PIK3R5: variants seen among roughly 807,000 people sequenced by gnomAD.
The protein encoded by PIK3R5 is phosphoinositide 3-kinase regulatory subunit 5.
PIK3R5 carries 32 observed loss-of-function variants against 94.9 expected under a neutral mutation model. That is an observed-to-expected ratio of 0.34 (90% CI 0.25 to 0.45). The LOEUF is 0.45. Ranked by LOEUF, PIK3R5 falls within the 20% of genes least tolerant of loss-of-function variation. PIK3R5 has a pLI of 1.00. For missense variants in PIK3R5, 853 were observed against 1,144.6 expected (o/e 0.75, Z 3.68); for synonymous variants, 443 against 479.4 (o/e 0.92, Z 0.99).
At chr17:8,903,295 A>G (rs1313180475) in intron 5 of PIK3R5, among the ~76,000 whole-genome samples, 4 of 151,740 alleles carry the variant, frequency 2.6e-5, no homozygotes, top group Non-Finnish European at 5.9e-5. Context: ...TCTAGATATT[A>G]CATCTTCTTC....
intron 1 of PIK3R5, among the ~76,000 whole-genome samples, chr17:8,924,575 A>G (rs767870859): frequency 3.3e-5 from 5 of 152,160 alleles, no homozygotes; most frequent in Non-Finnish European, 7.4e-5. Flanking sequence ...CTTCTCTTCC[A>G]GAGTGATAAA....
chr17:8,958,512 C>T (rs929551526), intron 1 of PIK3R5, among the ~76,000 whole-genome samples: 1 of 148,546 alleles, frequency 6.7e-6, no homozygotes, highest in Non-Finnish European at 1.5e-5. Flanking sequence ...TCCATTCATG[C>T]TTTTAAAAAT....
chr17:8,938,408 C>T (rs1383843553), intron 1 of PIK3R5, among the ~76,000 whole-genome samples: 1 of 152,196 alleles, frequency 6.6e-6, no homozygotes, highest in African/African-American at 2.4e-5. Context: ...GTAAACTCAA[C>T]ATTTTAAAGA....
rs913322674 is a variant in PIK3R5 at position 8,943,956 on chromosome 17, G to A, written c.-14+21640C>T. 5.3e-5 allele frequency among the ~76,000 whole-genome samples: 8 copies of A among 151,518 alleles called. No individual in the cohort carries two copies. The East Asian group carries it at 7.8e-4, about 15-fold the overall frequency. On this transcript the variant is annotated intron_variant, in intron 1 of 18. Transcript: ENST00000447110. ...TTTTGTTATGGTAAACTCGTGTCAC[G>A]GGGGTTTATTGGACAGATTACTTCG...
At chr17:8,922,135 A>AGGAGGGAAGGAGGGAAGGTG (rs2090762785) in intron 1 of PIK3R5, among the ~76,000 whole-genome samples, 1 of 138,256 alleles carries the variant, frequency 7.2e-6, no homozygotes, top group Non-Finnish European at 1.6e-5. Context: ...ATAGGAAAGA[A>AGGAGGGAAGGAGGGAAGGTG]GGAGGGAAGG....
At chr17:8,948,840 G>C (rs1042594501) in intron 1 of PIK3R5, among the ~76,000 whole-genome samples, 5 of 152,158 alleles carry the variant, frequency 3.3e-5, no homozygotes, top group Non-Finnish European at 7.3e-5. Context: ...ACATGCAACA[G>C]GAAGTTCAGA....
chr17:8,907,678 C>T (rs535495395), intron 3 of PIK3R5, among the ~76,000 whole-genome samples: 26 of 150,982 alleles, frequency 1.7e-4, no homozygotes, highest in Admixed American at 3.3e-4. Context: ...CTTGCTCTGT[C>T]GCACAGGCTG....
intron 1 of PIK3R5, among the ~76,000 whole-genome samples, chr17:8,954,034 C>T (rs896475171): frequency 1.4e-4 from 21 of 151,664 alleles, no homozygotes; most frequent in African/African-American, 4.1e-4. Context: ...TCTCCCCTTC[C>T]CCCAGAAAGT....
At position 8,909,902 on chromosome 17, in the gene PIK3R5, G is replaced by A. The variant is rs1310364988; in HGVS notation, c.104-728C>T. ...GAAGAATACAGAGAGGAGCCACGGT[G>A]AGTTCCATCCCAAGACGCAAGACTG... On this transcript the variant is annotated intron_variant, in intron 2 of 18. Transcript: ENST00000447110. This position sits in a 1 kb window ranked among gnomAD's most constrained non-coding sequence, Gnocchi z 4.3. Among the ~76,000 whole-genome samples the A allele has an allele frequency of 2.0e-5, 3 of 152,230 alleles. No individual in the cohort carries two copies. The highest frequency in any genetic ancestry group is 7.2e-5 in the African/African-American group (3 of 41,454).
Position 8,889,852 on chromosome 17 carries a change from A to G in PIK3R5, c.811+121T>C. 2.1e-6 allele frequency: 2 copies of G among 972,960 alleles called. No individual in the cohort carries two copies. The highest frequency in any genetic ancestry group is 1.5e-5 in the South Asian group (1 of 67,792). 60.3% of individuals were successfully genotyped at this position (972,960 alleles called of 1,614,324 possible). A position where few individuals can be genotyped will look rare whatever the true frequency, so the allele number is the denominator to read the frequency against. ...ATGGCAGAGCAGTGAGATGCTGAAG[A>G]AGCTGAGTCCCTGAGTGACTGTGTG... On this transcript the variant is annotated intron_variant, in intron 8 of 18. Coordinates refer to ENST00000447110, the MANE Select transcript of PIK3R5 (RefSeq NM_001142633.3). This position sits in a 1 kb window ranked among gnomAD's most constrained non-coding sequence, Gnocchi z 4.1.
Position 8,904,764 on chromosome 17 carries a change from C to T in PIK3R5, c.412+13G>A. The T allele has an allele frequency of 6.2e-7, 1 of 1,613,704 alleles. No homozygotes were observed. Among genetic ancestry groups the T allele is most frequent in the South Asian group, 1.1e-5 (1 of 91,058 alleles). On this transcript the variant is annotated intron_variant, in intron 5 of 18. Transcript: ENST00000447110. This position sits in a 1 kb window ranked among gnomAD's most constrained non-coding sequence, Gnocchi z 5.1. ...TGAGCCCTGTCCCCCGTGCCAGCTG[C>T]CTCAGTGCTTACCTGGGGCCTTGAG... is the stretch of plus-strand genomic sequence containing the variant.
At chr17:8,919,347 T>C (rs2090687046) in intron 1 of PIK3R5, among the ~76,000 whole-genome samples, 1 of 152,208 alleles carries the variant, frequency 6.6e-6, no homozygotes, top group African/African-American at 2.4e-5. Context: ...CCTTTCAGTA[T>C]CTTTCCAGGC....
At chr17:8,961,735 G>C (rs1039951115) in intron 1 of PIK3R5, among the ~76,000 whole-genome samples, 1 of 152,162 alleles carries the variant, frequency 6.6e-6, no homozygotes, top group Admixed American at 6.5e-5. Flanking sequence ...ATGGAAGCAG[G>C]AGTCTCCTGT....
chr17:8,947,794 A>C (rs1056812827), intron 1 of PIK3R5, among the ~76,000 whole-genome samples: 3 of 152,220 alleles, frequency 2.0e-5, no homozygotes, highest in Non-Finnish European at 4.4e-5. Context: ...CTGTAATCCC[A>C]GCACTTTGGG....
In PIK3R5 at chr17:8,881,485, TCA is replaced by T. The variant is rs896289643; in HGVS notation, c.2382+143_2382+144del. The stretch of plus-strand genomic sequence containing the variant: ...TCCTCCCCCACCTCTCCTCTCTCTC[TCA>T]CACACACACAAGTATGTACACACGG... On this transcript the variant is annotated intron_variant, in intron 17 of 18. Coordinates refer to ENST00000447110, the MANE Select transcript of PIK3R5 (RefSeq NM_001142633.3). The surrounding 1 kb of genome is among the most constrained non-coding windows in gnomAD (Gnocchi z 4.8). The T allele has an allele frequency of 2.9e-5, 20 of 699,706 alleles. No individual in the cohort carries two copies. The highest frequency in any genetic ancestry group is 4.8e-5 in the Non-Finnish European group (19 of 394,926). The allele number at this position is 699,706 out of a possible 1,614,324, so 43.3% of individuals were successfully genotyped here.
In PIK3R5 at chr17:8,911,317, C is replaced by T; in HGVS notation, c.103+75G>A. 8.6e-7 allele frequency: 1 copy of T among 1,165,622 alleles called. No individual in the cohort carries two copies. Among genetic ancestry groups the T allele is most frequent in the Non-Finnish European group, 1.3e-6 (1 of 794,212 alleles). The allele number at this position is 1,165,622 out of a possible 1,614,324, so 72.2% of individuals were successfully genotyped here. A position where few individuals can be genotyped will look rare whatever the true frequency, so the allele number is the denominator to read the frequency against. Reference sequence around the variant, plus strand: ...CACCTAGAATTTGCCAGTTTCCATGCCTGGTCCAGTGCCCACCGTGGCCCC... The same window carrying T: ...CACCTAGAATTTGCCAGTTTCCATGTCTGGTCCAGTGCCCACCGTGGCCCC... On this transcript the variant is annotated intron_variant, in intron 2 of 18. Transcript: ENST00000447110. This position sits in a 1 kb window ranked among gnomAD's most constrained non-coding sequence, Gnocchi z 5.3.
chr17:8,911,559 C>A lies in PIK3R5; in HGVS notation c.-13-52G>T. The A allele has an allele frequency of 8.2e-7, 1 of 1,224,038 alleles. No homozygotes were observed. The highest frequency in any genetic ancestry group is 1.2e-6 in the Non-Finnish European group (1 of 853,464). 75.8% of individuals were successfully genotyped at this position (1,224,038 alleles called of 1,614,324 possible). A position where few individuals can be genotyped will look rare whatever the true frequency, so the allele number is the denominator to read the frequency against. ...CTTGTCGAGCTCCTTTCCCAGAGAG[C>A]ACCTGGTCCAGTAAAGACAACAGGT... On this transcript the variant is annotated intron_variant, in intron 1 of 18. Coordinates refer to ENST00000447110, the MANE Select transcript of PIK3R5 (RefSeq NM_001142633.3). This position sits in a 1 kb window ranked among gnomAD's most constrained non-coding sequence, Gnocchi z 5.3.
rs980298832 is a variant in PIK3R5, at chr17:8,956,802, A to G, written c.-14+8794T>C. Among the ~76,000 whole-genome samples, 4 of 152,220 alleles carry G rather than the reference A, an allele frequency of 2.6e-5. No individual in the cohort carries two copies. In the East Asian group the frequency reaches 7.7e-4, roughly 29 times the overall value. ...CTGGAGGTGAGATAGGTTGGCCCCA[A>G]GATCTTATCTGGGACACTCACGGAG... On this transcript the variant is annotated intron_variant, in intron 1 of 18. Transcript: ENST00000447110.
Position 8,892,195 on chromosome 17 carries a change from C to T in PIK3R5, c.483-1283G>A, listed in dbSNP as rs58725936. ...CATTCCCTCCACACTCTGGGGACGTCGGTGCCCGGGGACAGGGCAGAGACA... is the reference window on the plus strand; with the variant it reads ...CATTCCCTCCACACTCTGGGGACGTTGGTGCCCGGGGACAGGGCAGAGACA... On this transcript the variant is annotated intron_variant, in intron 6 of 18. Coordinates refer to ENST00000447110, the MANE Select transcript of PIK3R5 (RefSeq NM_001142633.3). The surrounding 1 kb of genome is among the most constrained non-coding windows in gnomAD (Gnocchi z 4.3). Among the ~76,000 whole-genome samples the T allele has an allele frequency of 2.5e-3, 387 of 152,246 alleles. 1 individual carries two copies. The highest frequency in any genetic ancestry group is 8.7e-3 in the African/African-American group (360 of 41,546).
Sources: gnomAD v4.1 joint callset for allele counts (sites outside exome capture counted in the v4.1 genomes callset) on GRCh38, gnomAD v4.1.1 for gene constraint, Gnocchi (gnomAD v3.1) non-coding constraint, MANE v1.5 for transcripts, NCBI Gene and HGNC (gene_info 2026-07-23, HGNC 2026-07-21) for gene names.